The following ALCAM variants were observed in gnomAD, a reference collection of about 807,000 sequenced individuals.
ALCAM encodes activated leukocyte cell adhesion molecule.
Under a neutral mutation model 70.9 loss-of-function variants are expected in ALCAM, and 30 were observed. That is an observed-to-expected ratio of 0.42 (90% CI 0.32 to 0.57). The LOEUF is 0.57. ALCAM is among the 20% of genes least tolerant of loss of function. ALCAM has a pLI of 0.11. For synonymous variants in ALCAM, 249 were observed against 242.5 expected, an observed-to-expected ratio of 1.03 and a Z score of -0.25; for missense variants, 591 against 695.1, an observed-to-expected ratio of 0.85 and a Z score of 1.68.
intron 1 of ALCAM, among the ~76,000 whole-genome samples, chr3:105,448,825 C>G (rs1437666926): frequency 3.3e-5 from 5 of 152,192 alleles, no homozygotes; most frequent in African/African-American, 1.2e-4. Context: ...TGAGCATCCA[C>G]AGGCACAGGG....
At chr3:105,454,762 G>A (rs531840819) in intron 1 of ALCAM, among the ~76,000 whole-genome samples, 32 of 137,400 alleles carry the variant, frequency 2.3e-4, no homozygotes, top group Admixed American at 2.5e-4. Flanking sequence ...TCTACCTTCC[G>A]GTTTCAAGTG....
intron 1 of ALCAM, among the ~76,000 whole-genome samples, chr3:105,403,769 GTTGA>G (rs1418237238): frequency 6.6e-6 from 1 of 151,730 alleles, no homozygotes; most frequent in Non-Finnish European, 1.5e-5. Context: ...AATTTAGAAG[GTTGA>G]TTATTAAGCT....
At chr3:105,509,269 C>G (rs1235589173) in intron 1 of ALCAM, among the ~76,000 whole-genome samples, 1 of 151,982 alleles carries the variant, frequency 6.6e-6, no homozygotes, top group Non-Finnish European at 1.5e-5. Flanking sequence ...TCTATTTTAA[C>G]TTTTTGAGGA....
chr3:105,528,415 A>C (rs759093623), intron 3 of ALCAM, among the ~76,000 whole-genome samples: 1 of 152,180 alleles, frequency 6.6e-6, no homozygotes, highest in Non-Finnish European at 1.5e-5. Flanking sequence ...TTTCTTCTCC[A>C]GCTATAAAAT....
At chr3:105,540,940 G>A (rs1940099952) in intron 7 of ALCAM, among the ~76,000 whole-genome samples, 1 of 151,848 alleles carries the variant, frequency 6.6e-6, no homozygotes. Flanking sequence ...TGCTGTTTTT[G>A]TTTCCTTTGC....
chr3:105,493,175 A>G (rs2152612097), intron 1 of ALCAM, among the ~76,000 whole-genome samples: 1 of 152,224 alleles, frequency 6.6e-6, no homozygotes, highest in East Asian at 1.9e-4. Flanking sequence ...AGCCTTTTGC[A>G]AATCATTTCA....
At chr3:105,458,239 A>G (rs532762379) in intron 1 of ALCAM, among the ~76,000 whole-genome samples, 19 of 152,290 alleles carry the variant, frequency 1.2e-4, no homozygotes, top group Non-Finnish European at 2.1e-4. Flanking sequence ...CAAATATTTG[A>G]TATGTGTTAA....
At position 105,410,470 on chromosome 3, in the gene ALCAM, C is replaced by T. The variant is rs575603405; in HGVS notation, c.73+42989C>T. ...ATGTTTGAGTCTTTATGTAGTACCA[C>T]TCTGAGTGTTTATGTAGTTATGTGG... is the stretch of plus-strand genomic sequence containing the variant. On this transcript the variant is annotated intron_variant, in intron 1 of 15. Transcript: ENST00000306107. 9.2e-5 allele frequency among the ~76,000 whole-genome samples: 14 copies of T among 152,052 alleles called. No individual in the cohort carries two copies. The East Asian group carries it at 2.1e-3, about 23-fold the overall frequency.
chr3:105,552,139 T>C lies in ALCAM; in HGVS notation c.1508-5T>C, dbSNP rs1194199791. The C allele has an allele frequency of 6.3e-6, 10 of 1,597,294 alleles. No individual in the cohort carries two copies. The highest frequency in any genetic ancestry group is 7.7e-6 in the Non-Finnish European group (9 of 1,173,136). ...TTAATTTCATATTAACATTTTTCAT[T>C]TCAGTAAGTATTCCAGAACACGATG... is the stretch of plus-strand genomic sequence containing the variant. On this transcript the variant is annotated splice_region_variant and splice_polypyrimidine_tract_variant and intron_variant, in intron 12 of 15. Coordinates refer to ENST00000306107, the MANE Select transcript of ALCAM (RefSeq NM_001627.4).
At chr3:105,494,647 T>TTTCC in intron 1 of ALCAM, among the ~76,000 whole-genome samples, 1 of 151,316 alleles carries the variant, frequency 6.6e-6, no homozygotes, top group Non-Finnish European at 1.5e-5. Context: ...CCCTCCCTTC[T>TTTCC]TTCCTTCCTT....
At chr3:105,463,036 A>G (rs6437591) in intron 1 of ALCAM, among the ~76,000 whole-genome samples, 28,209 of 151,390 alleles carry the variant, frequency 0.19, 2,811 homozygotes, top group East Asian at 0.37. Flanking sequence ...TATTTTTAAA[A>G]GCTAGTCTTT....
At chr3:105,435,803 T>G (rs141028837) in intron 1 of ALCAM, among the ~76,000 whole-genome samples, 2,453 of 152,296 alleles carry the variant, frequency 0.016, 38 homozygotes, top group African/African-American at 0.038. Context: ...TTGTTTGTTT[T>G]TTTTTGAGAC....
chr3:105,519,549 T>C (rs1214568200), intron 1 of ALCAM, among the ~76,000 whole-genome samples: 1 of 152,098 alleles, frequency 6.6e-6, no homozygotes, highest in Non-Finnish European at 1.5e-5. Flanking sequence ...TAAAATTCAG[T>C]TGTGGTCTTA....
intron 6 of ALCAM, among the ~76,000 whole-genome samples, chr3:105,539,621 A>G (rs142239165): frequency 4.6e-5 from 7 of 152,170 alleles, no homozygotes; most frequent in African/African-American, 9.6e-5. Context: ...CTTCCAAACT[A>G]TAAGATTCAT....
intron 5 of ALCAM, among the ~76,000 whole-genome samples, chr3:105,533,933 G>T (rs540757602): frequency 1.3e-5 from 2 of 151,976 alleles, no homozygotes; most frequent in African/African-American, 4.8e-5. Flanking sequence ...AAATAATTAT[G>T]CAACTCACCA....
At chr3:105,486,878 G>C (rs1423080205) in intron 1 of ALCAM, among the ~76,000 whole-genome samples, 2 of 152,038 alleles carry the variant, frequency 1.3e-5, no homozygotes, top group African/African-American at 2.4e-5. Flanking sequence ...ATTATGTTTT[G>C]AAAATAAATA....
chr3:105,539,323 A>G (rs988555515), intron 6 of ALCAM, among the ~76,000 whole-genome samples: 4 of 152,068 alleles, frequency 2.6e-5, no homozygotes, highest in Non-Finnish European at 4.4e-5. Flanking sequence ...CATACCCTTT[A>G]GCCCTATTTT....
At chr3:105,523,084 G>A (rs1445048143) in intron 2 of ALCAM, among the ~76,000 whole-genome samples, 1 of 142,128 alleles carries the variant, frequency 7.0e-6, no homozygotes, top group Non-Finnish European at 1.5e-5. Context: ...AGCTTGCAGT[G>A]AGCCGAAGTT....
intron 1 of ALCAM, among the ~76,000 whole-genome samples, chr3:105,443,729 A>G (rs1485186237): frequency 6.6e-6 from 1 of 152,256 alleles, no homozygotes; most frequent in Non-Finnish European, 1.5e-5. Flanking sequence ...ATGGTTCTGC[A>G]TATAAACTTG....
Sources: gnomAD v4.1 joint callset for allele counts (sites outside exome capture counted in the v4.1 genomes callset) on GRCh38, gnomAD v4.1.1 for gene constraint, MANE v1.5 for transcripts, NCBI Gene and HGNC (gene_info 2026-07-23, HGNC 2026-07-21) for gene names.